DPP6: variants seen among roughly 807,000 people sequenced by gnomAD.
DPP6 encodes the protein A-type potassium channel modulatory protein DPP6.
In DPP6, 69 loss-of-function variants were observed where a neutral mutation model predicts 122.6. That is an observed-to-expected ratio of 0.56 (90% CI 0.46 to 0.69). The LOEUF (loss-of-function observed/expected upper bound fraction) is 0.69. DPP6 is among the 30% of genes least tolerant of loss of function. The pLI, the probability that DPP6 is intolerant of heterozygous loss-of-function variation, is 0.00. For missense variants in DPP6, 928 were observed against 1,116.9 expected, an observed-to-expected ratio of 0.83 and a Z score of 2.41; for synonymous variants, 418 against 433.1, an observed-to-expected ratio of 0.97 and a Z score of 0.43.
In DPP6 at chr7:154,107,361, A is replaced by G. The variant is rs1806240430; in HGVS notation, c.243+54298A>G. ...AGAAAGACAAATACCACATTATGTC[A>G]CTTGTGTAGAATCTTAAAAAGTCAA... On this transcript the variant is annotated intron_variant, in intron 1 of 25. Transcript: ENST00000377770. 4.6e-5 allele frequency among the ~76,000 whole-genome samples: 7 copies of G among 152,336 alleles called. No individual in the cohort carries two copies. In the South Asian group the frequency reaches 1.5e-3, roughly 32 times the overall value.
At chr7:154,254,004 C>T (rs1000069055) in intron 1 of DPP6, among the ~76,000 whole-genome samples, 16 of 152,222 alleles carry the variant, frequency 1.1e-4, no homozygotes, top group African/African-American at 3.9e-4. Flanking sequence ...AACTCACTAT[C>T]ACAAGAACGG....
chr7:154,825,907 T>C (rs1291061777), intron 16 of DPP6, among the ~76,000 whole-genome samples: 1 of 152,192 alleles, frequency 6.6e-6, no homozygotes, highest in African/African-American at 2.4e-5. Context: ...AGCACCAGTT[T>C]TATAGCTTCT....
chr7:154,417,930 C>A (rs1428768624), intron 1 of DPP6, among the ~76,000 whole-genome samples: 1 of 152,220 alleles, frequency 6.6e-6, no homozygotes, highest in South Asian at 2.1e-4. Flanking sequence ...AATATTATTA[C>A]CCTTCCTCAA....
intron 1 of DPP6, among the ~76,000 whole-genome samples, chr7:153,944,470 G>A (rs565378745): frequency 7.1e-4 from 108 of 152,172 alleles, no homozygotes; most frequent in Admixed American, 6.6e-3. Flanking sequence ...TGGGGACTGC[G>A]GTGGTGACTT....
chr7:153,966,896 A>ATC (rs1714103455), intron 1 of DPP6, among the ~76,000 whole-genome samples: 1 of 151,406 alleles, frequency 6.6e-6, no homozygotes, highest in South Asian at 2.1e-4. Flanking sequence ...GAAAAGCCCC[A>ATC]TCTCTACCAA....
the DPP6 span, among the ~76,000 whole-genome samples, chr7:153,845,367 ACT>A: frequency 4.6e-5 from 7 of 151,760 alleles, no homozygotes; most frequent in African/African-American, 1.7e-4. Context: ...TGTCTTAATA[ACT>A]CTTTTGTCTG....
At chr7:154,057,412 C>G (rs1354276165) in intron 1 of DPP6, 1 of 204,680 alleles carries the variant, frequency 4.9e-6, no homozygotes, top group African/African-American at 2.5e-5. Flanking sequence ...CATCGGGGAT[C>G]CTAAGATCCT....
At chr7:154,340,760 C>T (rs1345440474) in intron 1 of DPP6, among the ~76,000 whole-genome samples, 1 of 152,152 alleles carries the variant, frequency 6.6e-6, no homozygotes, top group Non-Finnish European at 1.5e-5. Context: ...ATTAATACAG[C>T]CACCACCTTA....
chr7:154,770,306 A>G (rs1370414779), intron 9 of DPP6, among the ~76,000 whole-genome samples: 3 of 152,124 alleles, frequency 2.0e-5, no homozygotes, highest in Non-Finnish European at 4.4e-5. Flanking sequence ...CGGGAAACTC[A>G]CCTTTTTAAA....
chr7:154,119,370 G>A (rs1205444300), intron 1 of DPP6, among the ~76,000 whole-genome samples: 5 of 152,218 alleles, frequency 3.3e-5, no homozygotes, highest in African/African-American at 9.6e-5. Context: ...ACAAGTGGCC[G>A]GGTTCCCATC....
intron 1 of DPP6, among the ~76,000 whole-genome samples, chr7:154,070,581 T>G (rs1803046944): frequency 6.6e-6 from 1 of 152,186 alleles, no homozygotes; most frequent in Non-Finnish European, 1.5e-5. Context: ...CTAAGATTTT[T>G]TTTTCCTGAA....
intron 1 of DPP6, among the ~76,000 whole-genome samples, chr7:154,117,468 A>G (rs1378344979): frequency 6.6e-6 from 1 of 152,164 alleles, no homozygotes; most frequent in Non-Finnish European, 1.5e-5. Context: ...CTAGAGTAGC[A>G]CAGATGCCAT....
chr7:154,004,010 A>C (rs1432455857), intron 1 of DPP6, among the ~76,000 whole-genome samples: 2 of 152,162 alleles, frequency 1.3e-5, no homozygotes, highest in African/African-American at 4.8e-5. Context: ...CCGTTAGTGC[A>C]ATTAACATGC....
intron 3 of DPP6, among the ~76,000 whole-genome samples, chr7:154,520,705 C>G (rs958894753): frequency 6.6e-6 from 1 of 152,200 alleles, no homozygotes; most frequent in African/African-American, 2.4e-5. Flanking sequence ...TACTGCAAAA[C>G]TAGTGTTTTC....
chr7:153,910,325 G>T (rs1800030202), intron 1 of DPP6, among the ~76,000 whole-genome samples: 1 of 150,268 alleles, frequency 6.7e-6, no homozygotes, highest in African/African-American at 2.5e-5. Flanking sequence ...TGCCTCCTGC[G>T]TTCAAGCACT....
intron 1 of DPP6, among the ~76,000 whole-genome samples, chr7:154,036,042 G>A (rs1799510194): frequency 6.7e-6 from 1 of 149,060 alleles, no homozygotes; most frequent in Non-Finnish European, 1.5e-5. Context: ...GTGTGTGTGT[G>A]TGTGTATGTG....
chr7:154,176,180 G>A (rs1268979857), intron 1 of DPP6, among the ~76,000 whole-genome samples: 1 of 152,234 alleles, frequency 6.6e-6, no homozygotes, highest in Non-Finnish European at 1.5e-5. Context: ...TGTGGATTCT[G>A]AGTCCCTGCT....
At chr7:154,106,321 T>C (rs1055115644) in intron 1 of DPP6, among the ~76,000 whole-genome samples, 2 of 123,126 alleles carry the variant, frequency 1.6e-5, no homozygotes, top group African/African-American at 6.4e-5. Flanking sequence ...CTAGGTCTGG[T>C]CTCTGCATCT....
At chr7:154,277,782 A>G (rs1372973409) in intron 1 of DPP6, among the ~76,000 whole-genome samples, 1 of 152,194 alleles carries the variant, frequency 6.6e-6, no homozygotes, top group East Asian at 1.9e-4. Flanking sequence ...AAAAAACTAA[A>G]AGAAGGAGAA....
Sources: gnomAD v4.1 joint callset for allele counts (sites outside exome capture counted in the v4.1 genomes callset) on GRCh38, gnomAD v4.1.1 for gene constraint, MANE v1.5 for transcripts, NCBI Gene and HGNC (gene_info 2026-07-23, HGNC 2026-07-21) for gene names.